The following CNNM2 variants were observed in gnomAD, a reference collection of about 807,000 sequenced individuals.
CNNM2 encodes the protein cyclin and CBS domain divalent metal cation transport mediator 2, also known as metal transporter CNNM2.
Under a neutral mutation model 66.9 loss-of-function variants are expected in CNNM2, and 12 were observed. The ratio of observed to expected loss-of-function variants is 0.18; its 90% CI spans 0.11 to 0.29. CNNM2 has a LOEUF of 0.29. CNNM2 is among the 10% of genes least tolerant of loss of function. The probability of loss-of-function intolerance (pLI) is 1.00; values close to 1 mark genes in which losing one functional copy is unlikely to be tolerated. For missense variants in CNNM2, 705 were observed against 1,167.7 expected (o/e 0.60, Z 5.77); for synonymous variants, 557 against 501.8 (o/e 1.11, Z -1.47).
chr10:103,053,581 A>C (rs1221690321), intron 2 of CNNM2, among the ~76,000 whole-genome samples: 1 of 152,216 alleles, frequency 6.6e-6, no homozygotes. Flanking sequence ...TATGCAATTC[A>C]AATTGCAGTG....
At position 103,083,787 on chromosome 10, in the gene CNNM2, G is replaced by GT. The variant is rs779816322; in HGVS notation, c.*6608dup. ...GCTGGGCTAAGCCGGCATTTCCTAG[G>GT]TAAGACCAAAGGTCTCATTCAGGCC... On this transcript the variant is annotated 3_prime_UTR_variant, in exon 8 of 8. Coordinates refer to ENST00000369878, the MANE Select transcript of CNNM2 (RefSeq NM_017649.5). 8.5e-5 allele frequency: 13 copies of GT among 152,238 alleles called. No homozygotes were observed. The highest frequency in any genetic ancestry group is 2.0e-4 in the Admixed American group (3 of 15,276). The allele number at this position is 152,238 out of a possible 1,614,324, so 9.4% of individuals were successfully genotyped here.
At position 103,089,598 on chromosome 10, in the gene CNNM2, A is replaced by G. The variant is rs2066169068; in HGVS notation, c.*12418A>G. 1 of 1,479,240 alleles carries G rather than the reference A, an allele frequency of 6.8e-7. No homozygotes were observed. Among genetic ancestry groups the G allele is most frequent in the African/African-American group, 1.4e-5 (1 of 70,872 alleles). 91.6% of individuals were successfully genotyped at this position (1,479,240 alleles called of 1,614,324 possible). A position where few individuals can be genotyped will look rare whatever the true frequency, so the allele number is the denominator to read the frequency against. ...CCTCCCTCCCCCGAGTAGAACCCTA[A>G]CAGGGACCTCGTTTGTTCCTGTGAG... On this transcript the variant is annotated 3_prime_UTR_variant, in exon 8 of 8. Coordinates refer to ENST00000369878, the MANE Select transcript of CNNM2 (RefSeq NM_017649.5).
intron 1 of CNNM2, among the ~76,000 whole-genome samples, chr10:103,048,794 A>G (rs2065170843): frequency 6.6e-6 from 1 of 152,210 alleles, no homozygotes; most frequent in South Asian, 2.1e-4. Context: ...CCATGTTGTC[A>G]TACAGATTAC....
At chr10:103,021,904 A>T (rs572515520) in intron 1 of CNNM2, among the ~76,000 whole-genome samples, 1 of 152,240 alleles carries the variant, frequency 6.6e-6, no homozygotes, top group Non-Finnish European at 1.5e-5. Flanking sequence ...TATATGTAGT[A>T]ATCTTAGCCA....
chr10:102,967,551 C>G (rs1345079052), intron 1 of CNNM2, among the ~76,000 whole-genome samples: 1 of 152,204 alleles, frequency 6.6e-6, no homozygotes, highest in Non-Finnish European at 1.5e-5. Context: ...TGGCTACTTT[C>G]ACTTAGCAAA....
rs1459605335 is a variant in CNNM2, at chr10:103,078,541, A to G, written c.*1361A>G. The G allele has an allele frequency of 6.6e-6, 1 of 152,238 alleles. No individual in the cohort carries two copies. Among genetic ancestry groups the G allele is most frequent in the Non-Finnish European group, 1.5e-5 (1 of 68,038 alleles). The allele number at this position is 152,238 out of a possible 1,614,324, so 9.4% of individuals were successfully genotyped here. ...GTCTTATTTTAATACCAAATTCATCATGTAGTGAAATTATGTCAGGAGGTA... is the reference window on the plus strand; with the variant it reads ...GTCTTATTTTAATACCAAATTCATCGTGTAGTGAAATTATGTCAGGAGGTA... On this transcript the variant is annotated 3_prime_UTR_variant, in exon 8 of 8. Coordinates refer to ENST00000369878, the MANE Select transcript of CNNM2 (RefSeq NM_017649.5).
intron 1 of CNNM2, among the ~76,000 whole-genome samples, chr10:102,946,887 A>G (rs1846636633): frequency 6.6e-6 from 1 of 152,336 alleles, no homozygotes; most frequent in South Asian, 2.1e-4. Context: ...GGAAAAAACA[A>G]TATTGTGATC....
chr10:102,961,763 A>G (rs1251599388), intron 1 of CNNM2, among the ~76,000 whole-genome samples: 1 of 152,128 alleles, frequency 6.6e-6, no homozygotes, highest in South Asian at 2.1e-4. Context: ...AAATTTTACA[A>G]AGTTTTAAAA....
At chr10:102,973,746 C>T (rs2063582678) in intron 1 of CNNM2, among the ~76,000 whole-genome samples, 1 of 152,068 alleles carries the variant, frequency 6.6e-6, no homozygotes, top group Non-Finnish European at 1.5e-5. Context: ...GAAATATTTA[C>T]CTCTTCAACC....
chr10:102,984,612 A>T (rs2063767184), intron 1 of CNNM2, among the ~76,000 whole-genome samples: 1 of 152,230 alleles, frequency 6.6e-6, no homozygotes, highest in Non-Finnish European at 1.5e-5. Context: ...GATATTTGAC[A>T]ATCTAAGCCT....
chr10:103,048,615 C>T (rs1304234831), intron 1 of CNNM2, among the ~76,000 whole-genome samples: 1 of 140,748 alleles, frequency 7.1e-6, no homozygotes. Flanking sequence ...GAGAAAATGC[C>T]TGACAAATAC....
chr10:103,002,996 A>G (rs933292779), intron 1 of CNNM2, among the ~76,000 whole-genome samples: 2 of 152,212 alleles, frequency 1.3e-5, no homozygotes, highest in Non-Finnish European at 1.5e-5. Context: ...AAAAGTGGAA[A>G]CAACCCAAAT....
At chr10:102,995,074 C>T (rs983790135) in intron 1 of CNNM2, among the ~76,000 whole-genome samples, 1 of 144,874 alleles carries the variant, frequency 6.9e-6, no homozygotes. Context: ...AGGAAAGGGG[C>T]TGCCCACATG....
intron 1 of CNNM2, among the ~76,000 whole-genome samples, chr10:103,007,310 A>G (rs990856026): frequency 4.6e-5 from 7 of 152,174 alleles, no homozygotes; most frequent in Admixed American, 3.9e-4. Context: ...ATAAGGGTCT[A>G]TGTTCAGTGG....
chr10:103,023,508 A>G (rs2064635508), intron 1 of CNNM2, among the ~76,000 whole-genome samples: 1 of 152,098 alleles, frequency 6.6e-6, no homozygotes, highest in South Asian at 2.1e-4. Context: ...AGATCGTGCC[A>G]TTGCACTCCA....
intron 5 of CNNM2, among the ~76,000 whole-genome samples, chr10:103,068,988 CT>C: frequency 6.6e-6 from 1 of 152,344 alleles, no homozygotes; most frequent in East Asian, 1.9e-4. Context: ...ATCACGCTCC[CT>C]TTTAGTCACT....
At chr10:103,056,317 C>T (rs940715787) in intron 3 of CNNM2, among the ~76,000 whole-genome samples, 1 of 151,956 alleles carries the variant, frequency 6.6e-6, no homozygotes, top group Admixed American at 6.6e-5. Context: ...TTTCCAGTCT[C>T]GACCCTCTTT....
rs1690256089 is a variant in CNNM2, at chr10:103,087,938, T to A, written c.*10758T>A. ...GCTGTGTTCTCTGCTTATAAAATAATTTTTTAAAAAGCCTCACTTCACAGT... is the reference window on the plus strand; with the variant it reads ...GCTGTGTTCTCTGCTTATAAAATAAATTTTTAAAAAGCCTCACTTCACAGT... On this transcript the variant is annotated 3_prime_UTR_variant, in exon 8 of 8. Transcript: ENST00000369878. 6.6e-6 allele frequency: 1 copy of A among 152,246 alleles called. No individual in the cohort carries two copies. The highest frequency in any genetic ancestry group is 1.5e-5 in the Non-Finnish European group (1 of 68,030). 9.4% of individuals were successfully genotyped at this position (152,246 alleles called of 1,614,324 possible).
At chr10:103,046,454 AC>A (rs576768116) in intron 1 of CNNM2, among the ~76,000 whole-genome samples, 31 of 152,344 alleles carry the variant, frequency 2.0e-4, no homozygotes, top group African/African-American at 7.2e-4. Context: ...GCAACCTGTG[AC>A]ATAAATGGGT....
Sources: gnomAD v4.1 joint callset for allele counts (sites outside exome capture counted in the v4.1 genomes callset) on GRCh38, gnomAD v4.1.1 for gene constraint, MANE v1.5 for transcripts, NCBI Gene and HGNC (gene_info 2026-07-23, HGNC 2026-07-21) for gene names.